The following HYDIN variants were observed in gnomAD, a reference collection of about 807,000 sequenced individuals.
The protein encoded by HYDIN is axonemal central pair apparatus protein HYDIN.
Under a neutral mutation model 403.9 loss-of-function variants are expected in HYDIN, and 132 were observed. The ratio of observed to expected loss-of-function variants is 0.33; its 90% CI spans 0.28 to 0.38. The LOEUF is 0.38. Ranked by LOEUF, HYDIN falls within the 10% of genes least tolerant of loss-of-function variation. HYDIN has a pLI of 1.00. For synonymous variants in HYDIN, 1,202 were observed against 1,891.7 expected (o/e 0.64, Z 9.46); for missense variants, 2,827 against 5,009.5 (o/e 0.56, Z 13.15).
intron 39 of HYDIN, among the ~76,000 whole-genome samples, chr16:70,957,096 CGAACT>C (rs1321210119): frequency 6.6e-6 from 1 of 151,008 alleles, no homozygotes; most frequent in Non-Finnish European, 1.5e-5. Context: ...GTCATCTTCC[CGAACT>C]GAAACTCTGT....
chr16:70,903,076 A>C (rs11866233), intron 52 of HYDIN, among the ~76,000 whole-genome samples: 6,769 of 134,282 alleles, frequency 0.05, 692 homozygotes, highest in African/African-American at 0.2. Context: ...GTTATTACTT[A>C]GTTCTTTAAT....
At chr16:70,922,278 C>T (rs1463101897) in intron 45 of HYDIN, among the ~76,000 whole-genome samples, 7 of 152,218 alleles carry the variant, frequency 4.6e-5, no homozygotes, top group Non-Finnish European at 8.8e-5. Flanking sequence ...CACGCTCTGC[C>T]AAGACACCTG....
chr16:71,092,528 G>A (rs1321059798), intron 11 of HYDIN, among the ~76,000 whole-genome samples: 2 of 152,204 alleles, frequency 1.3e-5, no homozygotes, highest in East Asian at 1.9e-4. Flanking sequence ...ATAGTTAATC[G>A]TACCTCACAA....
chr16:71,117,804 G>A (rs561634128), intron 9 of HYDIN, among the ~76,000 whole-genome samples: 1 of 152,138 alleles, frequency 6.6e-6, no homozygotes, highest in East Asian at 1.9e-4. Flanking sequence ...TCAAACAAGA[G>A]GGAGAAAATA....
chr16:70,872,754 A>G (rs1208139217), intron 64 of HYDIN, among the ~76,000 whole-genome samples: 3 of 120,132 alleles, frequency 2.5e-5, no homozygotes, highest in Non-Finnish European at 5.1e-5. Flanking sequence ...TCCATCCATC[A>G]TCCACCTGCT....
rs2039741362 is a variant in HYDIN at position 70,866,201 on chromosome 16, C to T, written c.11439G>A (p.Lys3813=). The T allele has an allele frequency of 6.4e-7, 1 of 1,556,458 alleles. No individual in the cohort carries two copies. Among genetic ancestry groups the T allele is most frequent in the Non-Finnish European group, 8.8e-7 (1 of 1,137,878 alleles). The change falls in exon 67 of 86, where the codon AAG becomes AAA. Residue 3813 remains lysine, a synonymous_variant. Transcript: ENST00000393567. ...CTCGGGTCTGGTAAACCAAGGTTTC[C>T]TTAAAGCGCACATCTCTTGCTTGGC... The part of the protein sequence containing the change: ...YHCQARDVRF[K]ETLVYQTRVF...
At chr16:71,165,883 G>T (rs2086201851) in intron 5 of HYDIN, among the ~76,000 whole-genome samples, 1 of 124,480 alleles carries the variant, frequency 8.0e-6, no homozygotes. Flanking sequence ...AAGGGAAGGA[G>T]TGTGGTTAGA....
chr16:71,003,707 G>A (rs180729148), intron 23 of HYDIN, among the ~76,000 whole-genome samples: 2 of 151,696 alleles, frequency 1.3e-5, no homozygotes, highest in East Asian at 3.9e-4. Context: ...GTTGAGGCAG[G>A]AGAATTGCTA....
At chr16:71,116,230 C>CT (rs3051996) in intron 9 of HYDIN, among the ~76,000 whole-genome samples, 54,932 of 97,794 alleles carry the variant, frequency 0.56, 16,344 homozygotes, top group East Asian at 0.61. Context: ...TGAGTTAGAC[C>CT]TTTTTTTTTT....
chr16:70,909,457 C>A (rs1025071980), intron 47 of HYDIN, among the ~76,000 whole-genome samples: 11 of 151,122 alleles, frequency 7.3e-5, no homozygotes, highest in African/African-American at 2.7e-4. Flanking sequence ...AGTTGAAGGC[C>A]TGGTACAGTA....
chr16:71,023,924 T>C (rs2080589754), intron 21 of HYDIN, among the ~76,000 whole-genome samples: 2 of 152,216 alleles, frequency 1.3e-5, no homozygotes, highest in Non-Finnish European at 2.9e-5. Flanking sequence ...ACCTCATGAC[T>C]GGTTAGGCAC....
At chr16:71,039,563 G>C (rs769494960) in intron 18 of HYDIN, among the ~76,000 whole-genome samples, 6 of 152,052 alleles carry the variant, frequency 3.9e-5, no homozygotes, top group Non-Finnish European at 8.8e-5. Context: ...TGCCTATAAA[G>C]ACTCCAGACT....
At chr16:71,000,927 C>T (rs1049426531) in intron 23 of HYDIN, among the ~76,000 whole-genome samples, 11 of 152,078 alleles carry the variant, frequency 7.2e-5, no homozygotes, top group African/African-American at 2.4e-4. Flanking sequence ...CTCATGAGCG[C>T]GGACATTGAT....
intron 84 of HYDIN, 97 bp from the exon 85 acceptor site, chr16:70,810,104 G>C (rs1325421474): frequency 1.4e-5 from 15 of 1,091,088 alleles, no homozygotes; most frequent in Non-Finnish European, 1.9e-5. Flanking sequence ...GTTGGGGGCA[G>C]AAATAGTGCA....
chr16:71,111,370 C>T (rs1293682669), intron 10 of HYDIN, among the ~76,000 whole-genome samples: 5 of 152,178 alleles, frequency 3.3e-5, no homozygotes, highest in African/African-American at 1.2e-4. Flanking sequence ...TGAGTAACAC[C>T]TGCTTGTACC....
At chr16:71,156,934 C>G (rs189688290) in intron 6 of HYDIN, among the ~76,000 whole-genome samples, 4 of 151,862 alleles carry the variant, frequency 2.6e-5, no homozygotes, top group African/African-American at 9.7e-5. Flanking sequence ...CCCATTGCAG[C>G]CTCTTTTGTT....
In HYDIN at chr16:71,129,906, T is replaced by G. The variant is rs2084636362; in HGVS notation, c.1044-83A>C. On this transcript the variant is annotated intron_variant, in intron 8 of 85. Transcript: ENST00000393567. ...AGGGCTTCCCTCTAGTACCTCCTCC[T>G]GGAAATGTCCTCAGCCACCACCCTG... is the stretch of plus-strand genomic sequence containing the variant. The G allele has an allele frequency of 3.9e-6, 6 of 1,541,518 alleles. No individual in the cohort carries two copies. In the Admixed American group the frequency reaches 1.1e-4, roughly 29 times the overall value.
intron 78 of HYDIN, among the ~76,000 whole-genome samples, chr16:70,834,965 CATATATGTGTGTATATATATATATAT>C (rs1567677852): frequency 1.3e-4 from 18 of 137,970 alleles, no homozygotes; most frequent in Admixed American, 4.2e-4. Flanking sequence ...TATATACACA[CATATATGTGTGTATATATATATATAT>C]ACACACATAT....
intron 3 of HYDIN, among the ~76,000 whole-genome samples, chr16:71,184,611 T>C (rs1387664510): frequency 1.3e-5 from 2 of 152,160 alleles, no homozygotes; most frequent in East Asian, 1.9e-4. Flanking sequence ...GTGTAAACTA[T>C]AGCGTCAAAT....
Sources: allele counts gnomAD v4.1 joint callset (sites outside exome capture counted in the v4.1 genomes callset), GRCh38; gene constraint gnomAD v4.1.1; transcripts MANE v1.5; gene names NCBI Gene and HGNC (gene_info 2026-07-23, HGNC 2026-07-21).